Variants in ZNF503 observed in about 807,000 individuals in gnomAD.
ZNF503 encodes NocA-like zinc finger 2.
Under a neutral mutation model 34.4 loss-of-function variants are expected in ZNF503, and 15 were observed. The ratio of observed to expected loss-of-function variants is 0.44; its 90% CI spans 0.29 to 0.67. ZNF503 has a LOEUF of 0.67. ZNF503 is among the 30% of genes least tolerant of loss of function. The probability of loss-of-function intolerance (pLI) is 0.13; values close to 1 mark genes in which losing one functional copy is unlikely to be tolerated. For missense variants in ZNF503, 1,007 were observed against 926.8 expected (o/e 1.09, Z -1.12); for synonymous variants, 580 against 456.8 (o/e 1.27, Z -3.44).
chr10:75,400,963 T>C (rs543586405), intron 1 of ZNF503, 142 bp downstream of exon 1: 3 of 1,243,438 alleles, frequency 2.4e-6, no homozygotes, highest in African/African-American at 1.5e-5. Flanking sequence ...AGTTTTGAGG[T>C]ACGGAAGCAG....
At chr10:75,379,320 TA>T in the ZNF503 span, among the ~76,000 whole-genome samples, 1 of 152,226 alleles carries the variant, frequency 6.6e-6, no homozygotes, top group African/African-American at 2.4e-5. Context: ...TGTTGATGAA[TA>T]TGACATGTGA....
At chr10:75,283,162 A>G in the ZNF503 span, 3 of 152,280 alleles carry the variant, frequency 2.0e-5, no homozygotes, top group Admixed American at 2.0e-4. Flanking sequence ...GGAAGAGGAC[A>G]AGGATGGTGC....
At chr10:75,362,126 A>T in the ZNF503 span, among the ~76,000 whole-genome samples, 6 of 152,166 alleles carry the variant, frequency 3.9e-5, no homozygotes, top group African/African-American at 1.4e-4. Context: ...ACCAATGCAA[A>T]GCCCTAACTT....
At chr10:75,329,411 TTCCTTTCCTTCC>T in the ZNF503 span, among the ~76,000 whole-genome samples, 76 of 89,504 alleles carry the variant, frequency 8.5e-4, 1 homozygote, top group African/African-American at 3.1e-3. Flanking sequence ...CCTTCCTTCC[TTCCTTTCCTTCC>T]TTCCTTCCTT....
the ZNF503 span, among the ~76,000 whole-genome samples, chr10:75,288,182 T>G: frequency 4.6e-5 from 7 of 152,242 alleles, no homozygotes; most frequent in African/African-American, 1.2e-4. Flanking sequence ...CATAATCTTT[T>G]TATTTATTTA....
chr10:75,366,424 C>T, the ZNF503 span, among the ~76,000 whole-genome samples: 1 of 152,232 alleles, frequency 6.6e-6, no homozygotes, highest in Non-Finnish European at 1.5e-5. Context: ...ACGTCCCGAG[C>T]AATGGTGTGG....
chr10:75,330,702 T>C, the ZNF503 span, among the ~76,000 whole-genome samples: 1 of 152,168 alleles, frequency 6.6e-6, no homozygotes, highest in African/African-American at 2.4e-5. Flanking sequence ...AATACCTTTT[T>C]GATTTTTGAT....
chr10:75,352,602 C>T, the ZNF503 span, among the ~76,000 whole-genome samples: 1 of 152,238 alleles, frequency 6.6e-6, no homozygotes, highest in African/African-American at 2.4e-5. Context: ...CTTGGCTGGA[C>T]TGAGCTGCCT....
chr10:75,295,973 C>G, the ZNF503 span, among the ~76,000 whole-genome samples: 1 of 152,168 alleles, frequency 6.6e-6, no homozygotes, highest in East Asian at 1.9e-4. This position sits in a 1 kb window ranked among gnomAD's most constrained non-coding sequence, Gnocchi z 4.0. Context: ...GGCTATAACT[C>G]TACAAGTAAA....
the ZNF503 span, among the ~76,000 whole-genome samples, chr10:75,315,838 A>C: frequency 6.6e-6 from 1 of 152,244 alleles, no homozygotes; most frequent in African/African-American, 2.4e-5. Flanking sequence ...GGCAGCCTAC[A>C]AGAAATTCAC....
At position 75,399,061 on chromosome 10, in the gene ZNF503, C is replaced by T. The variant is rs757268871; in HGVS notation, c.1629G>A (p.Thr543=). The T allele has an allele frequency of 1.2e-6, 2 of 1,613,278 alleles. No homozygotes were observed. The highest frequency in any genetic ancestry group is 1.7e-6 in the Non-Finnish European group (2 of 1,179,836). Residue 543 remains threonine, a synonymous_variant, in exon 2 of 2, where the codon ACG becomes ACA. Transcript: ENST00000372524. ...GCAGTTTGTCTGTCCCGGGAAATGC[C>T]GTATGGGTCCGCAAGTGGCTCAGCA... ...EELLSHLRTH[T]AFPGTDKLLS... is the part of the protein sequence containing the mutation.
the ZNF503 span, among the ~76,000 whole-genome samples, chr10:75,348,507 A>ATTT: frequency 0.2 from 19,606 of 98,946 alleles, 2,211 homozygotes; most frequent in South Asian, 0.28. Flanking sequence ...CCCTATTACT[A>ATTT]TTTTTTTTTT....
the ZNF503 span, among the ~76,000 whole-genome samples, chr10:75,362,962 T>C: frequency 2.0e-5 from 3 of 151,848 alleles, no homozygotes; most frequent in Admixed American, 2.0e-4. Flanking sequence ...CTTGGCCAAG[T>C]CCCCACCCCT....
chr10:75,393,651 G>C (rs1401598214), downstream of ZNF503, among the ~76,000 whole-genome samples: 1 of 152,200 alleles, frequency 6.6e-6, no homozygotes, highest in Non-Finnish European at 1.5e-5. Flanking sequence ...GAGGTCAGGA[G>C]TTTGAGACCA....
chr10:75,309,570 T>A, the ZNF503 span, among the ~76,000 whole-genome samples: 1 of 152,158 alleles, frequency 6.6e-6, no homozygotes, highest in South Asian at 2.1e-4. Context: ...AGCAATAAAG[T>A]GTTTTTAAGT....
chr10:75,387,843 C>T, the ZNF503 span, among the ~76,000 whole-genome samples: 37 of 152,174 alleles, frequency 2.4e-4, no homozygotes, highest in Admixed American at 3.9e-4. Context: ...GCCAATGGTA[C>T]AATGTCAGGG....
the ZNF503 span, among the ~76,000 whole-genome samples, chr10:75,389,007 G>C: frequency 6.6e-6 from 1 of 152,198 alleles, no homozygotes; most frequent in Non-Finnish European, 1.5e-5. Flanking sequence ...AAAGGTTGAG[G>C]TTTCTGCATC....
the ZNF503 span, among the ~76,000 whole-genome samples, chr10:75,285,850 C>T: frequency 2.6e-5 from 4 of 152,172 alleles, no homozygotes; most frequent in Admixed American, 2.0e-4. Context: ...GAGGAGACAG[C>T]AGGGAGCACC....
the ZNF503 span, among the ~76,000 whole-genome samples, chr10:75,333,910 G>A: frequency 2.3e-5 from 1 of 44,434 alleles, no homozygotes; most frequent in Admixed American, 1.6e-4. Context: ...GGGCGGCGGG[G>A]CAGAGGCGCT....
Sources: allele counts gnomAD v4.1 joint callset (sites outside exome capture counted in the v4.1 genomes callset), GRCh38; gene constraint gnomAD v4.1.1; non-coding constraint Gnocchi (gnomAD v3.1); transcripts MANE v1.5; gene names NCBI Gene and HGNC (gene_info 2026-07-23, HGNC 2026-07-21).